The following COL26A1 variants were observed in gnomAD, a reference collection of about 807,000 sequenced individuals.
COL26A1 encodes collagen alpha-1(XXVI) chain.
A neutral mutation model predicts 59.3 loss-of-function variants in COL26A1; 41 were observed. The observed-to-expected ratio is 0.69, with a 90% CI of 0.54 to 0.90. COL26A1 has a LOEUF of 0.90. Among genes scored for constraint, COL26A1 ranks in the 40% least tolerant of loss-of-function variants. COL26A1 has a pLI of 0.00. For synonymous variants in COL26A1, 266 were observed against 256.0 expected (o/e 1.04, Z -0.37); for missense variants, 612 against 602.3 (o/e 1.02, Z -0.17).
At chr7:101,548,934 G>A (rs1396923007) in intron 8 of COL26A1, among the ~76,000 whole-genome samples, 4 of 152,168 alleles carry the variant, frequency 2.6e-5, no homozygotes, top group Admixed American at 1.3e-4. Context: ...GGGCTGCGTC[G>A]TGGACGAGGC....
chr7:101,387,374 G>GAAA (rs11386764), intron 1 of COL26A1, among the ~76,000 whole-genome samples: 8,081 of 143,578 alleles, frequency 0.056, 518 homozygotes, highest in African/African-American at 0.15. Context: ...CCGACACACT[G>GAAA]AAAAAAAAAA....
Position 101,461,832 on chromosome 7 carries a change from A to G in COL26A1, c.385+14045A>G, listed in dbSNP as rs376395005. ...CATATAAGTTCAAGGTCTCGTCCAC[A>G]GTGTGCTGGCCCAGACTGGGCAGAG... On this transcript the variant is annotated intron_variant, in intron 3 of 12. Coordinates refer to ENST00000313669, the MANE Select transcript of COL26A1 (RefSeq NM_001278563.3). 1.4e-4 allele frequency among the ~76,000 whole-genome samples: 21 copies of G among 152,190 alleles called. 3 individuals carry two copies. Among genetic ancestry groups the G allele is most frequent in the African/African-American group, 4.8e-4 (20 of 41,536 alleles).
intron 3 of COL26A1, among the ~76,000 whole-genome samples, chr7:101,459,466 A>ATTTTTTTTTTT (rs71286269): frequency 2.2e-5 from 3 of 136,092 alleles, no homozygotes; most frequent in African/African-American, 5.6e-5. Context: ...CACCCGGCTA[A>ATTTTTTTTTTT]TTTTTTTTTT....
intron 3 of COL26A1, among the ~76,000 whole-genome samples, chr7:101,475,886 C>G (rs185105756): frequency 1.4e-5 from 2 of 138,616 alleles, no homozygotes; most frequent in Non-Finnish European, 3.2e-5. Context: ...CTCTTTCTCT[C>G]TCTTTCTTTC....
chr7:101,430,825 C>T (rs1038700218), intron 2 of COL26A1, among the ~76,000 whole-genome samples: 6 of 152,038 alleles, frequency 3.9e-5, no homozygotes, highest in Admixed American at 3.3e-4. Flanking sequence ...GACGGAGTCT[C>T]GCTCTGTCAC....
Position 101,529,092 on chromosome 7 carries a change from G to T in COL26A1, c.386-3990G>T, listed in dbSNP as rs536019316. Among the ~76,000 whole-genome samples the T allele has an allele frequency of 9.9e-5, 15 of 151,728 alleles. 1 individual carries two copies. The highest frequency in any genetic ancestry group is 1.6e-4 in the Non-Finnish European group (11 of 67,960). On this transcript the variant is annotated intron_variant, in intron 3 of 12. Coordinates refer to ENST00000313669, the MANE Select transcript of COL26A1 (RefSeq NM_001278563.3). ...GAGGCAGGAGAATCACTTGAACCCCGGTGGCAAAGGTTACAGTGAGCCAAG... is the reference window on the plus strand; with the variant it reads ...GAGGCAGGAGAATCACTTGAACCCCTGTGGCAAAGGTTACAGTGAGCCAAG...
At chr7:101,415,173 CG>C in intron 1 of COL26A1, among the ~76,000 whole-genome samples, 1 of 141,818 alleles carries the variant, frequency 7.1e-6, no homozygotes, top group Non-Finnish European at 1.5e-5. Context: ...TTTTTTGAGA[CG>C]GAGTCTCTCT....
Position 101,539,995 on chromosome 7 carries a change from G to T in COL26A1, c.550G>T (p.Ala184Ser), listed in dbSNP as rs767263491. 7 of 1,613,230 alleles carry T rather than the reference G, an allele frequency of 4.3e-6. No homozygotes were observed. In the East Asian group the frequency reaches 1.6e-4, roughly 36 times the overall value. The change falls in exon 5 of 13, where the codon GCC becomes TCC. Residue 184 changes from alanine (A) to serine (S), a missense_variant. Physicochemically the swap from Ala to Ser is moderately conservative, Grantham distance 99. Coordinates refer to ENST00000313669, the MANE Select transcript of COL26A1 (RefSeq NM_001278563.3). ...PTWNEDFLPD[A>S]IPLAHPVPRQ... The stretch of plus-strand genomic sequence containing the variant: ...CTGGAATGAGGACTTCCTCCCCGAC[G>T]CCATCCCTCTTGCTCACCCTGTGCC...
At chr7:101,489,164 C>T (rs905852625) in intron 3 of COL26A1, among the ~76,000 whole-genome samples, 26 of 152,170 alleles carry the variant, frequency 1.7e-4, no homozygotes, top group Non-Finnish European at 2.9e-5. Context: ...GTATGAGAGC[C>T]GTGATTTTTT....
chr7:101,436,057 C>T (rs1455533794), intron 2 of COL26A1, among the ~76,000 whole-genome samples: 1 of 152,168 alleles, frequency 6.6e-6, no homozygotes, highest in Non-Finnish European at 1.5e-5. Context: ...AGAAGCTCAC[C>T]ATGGCTGCCC....
At chr7:101,381,862 A>G (rs1325928944) in intron 1 of COL26A1, among the ~76,000 whole-genome samples, 1 of 152,066 alleles carries the variant, frequency 6.6e-6, no homozygotes, top group East Asian at 1.9e-4. Flanking sequence ...GGCCAAACAC[A>G]CAAACGGAGA....
intron 1 of COL26A1, among the ~76,000 whole-genome samples, chr7:101,391,340 G>A (rs75748709): frequency 0.041 from 6,180 of 152,000 alleles, 241 homozygotes; most frequent in African/African-American, 0.091. Context: ...AGTGTTCCTG[G>A]GGCCTGATTG....
intron 3 of COL26A1, among the ~76,000 whole-genome samples, chr7:101,475,865 T>C (rs964656814): frequency 7.6e-6 from 1 of 132,360 alleles, no homozygotes; most frequent in Non-Finnish European, 1.8e-5. Flanking sequence ...TCTTTTTCTC[T>C]CTCTTTCTTT....
At chr7:101,366,703 G>A (rs551977019) in intron 1 of COL26A1, among the ~76,000 whole-genome samples, 5 of 151,922 alleles carry the variant, frequency 3.3e-5, no homozygotes, top group Admixed American at 6.6e-5. Context: ...GTCCTGCTAT[G>A]TTGCCCAGGG....
chr7:101,362,703 C>T (rs1790917818), upstream of COL26A1: 3 of 376,276 alleles, frequency 8.0e-6, no homozygotes, highest in Admixed American at 1.4e-4. Context: ...GTCTGGCTTT[C>T]GGGGTGTTAG....
At chr7:101,363,437 C>T (rs1479813116) in intron 1 of COL26A1, among the ~76,000 whole-genome samples, 22 of 133,358 alleles carry the variant, frequency 1.6e-4, no homozygotes, top group Admixed American at 1.6e-3. Context: ...GGGCAGGGGA[C>T]ACGGGGCAAC....
chr7:101,446,208 C>T (rs557204063), intron 2 of COL26A1, among the ~76,000 whole-genome samples: 44 of 152,228 alleles, frequency 2.9e-4, no homozygotes, highest in Admixed American at 1.9e-3. Flanking sequence ...TCACCTCCTA[C>T]CAGGCTTCAC....
intron 1 of COL26A1, among the ~76,000 whole-genome samples, chr7:101,382,902 C>T (rs1409434494): frequency 2.6e-5 from 4 of 152,006 alleles, no homozygotes; most frequent in Non-Finnish European, 5.9e-5. Context: ...GTTAGCTGGG[C>T]GTGGTGATGT....
rs1309458444 is a variant in COL26A1, at chr7:101,363,177, T to C, written c.145T>C (p.Tyr49His). ...CGGCGCCGGCTCCCCTGGCAGCGGC[T>C]ACGCGAGCCGCCGGTGAGTAGCTCG... ...EPGAGSPGSG[Y>H]ASRRHWCHHT... is the part of the protein sequence containing the mutation. The change falls in exon 1 of 13, where the codon TAC becomes CAC. Residue 49 changes from tyrosine (Y) to histidine (H), a missense_variant. Transcript: ENST00000313669. 2 of 1,339,356 alleles carry C rather than the reference T, an allele frequency of 1.5e-6. No individual in the cohort carries two copies. The highest frequency in any genetic ancestry group is 2.6e-5 in the South Asian group (2 of 78,100). 83.0% of individuals were successfully genotyped at this position (1,339,356 alleles called of 1,614,324 possible). A position where few individuals can be genotyped will look rare whatever the true frequency, so the allele number is the denominator to read the frequency against.
Sources: gnomAD v4.1 joint callset for allele counts (sites outside exome capture counted in the v4.1 genomes callset) on GRCh38, gnomAD v4.1.1 for gene constraint, MANE v1.5 for transcripts, NCBI Gene and HGNC (gene_info 2026-07-23, HGNC 2026-07-21) for gene names.